Variants in ZNF503 observed in about 807,000 individuals in gnomAD.
ZNF503 encodes the protein zinc finger protein 503.
In ZNF503, 15 loss-of-function variants were observed where a neutral mutation model predicts 34.4. That is an observed-to-expected ratio of 0.44 (90% confidence interval 0.29 to 0.67). The LOEUF (loss-of-function observed/expected upper bound fraction) is 0.67, where lower values mean the gene tolerates loss of function less well. Among genes scored for constraint, ZNF503 ranks in the 30% least tolerant of loss-of-function variants. The pLI is 0.13. For missense variants in ZNF503, 1,007 were observed against 926.8 expected (o/e 1.09, Z -1.12); for synonymous variants, 580 against 456.8 (o/e 1.27, Z -3.44).
chr10:75,311,444 A>G, the ZNF503 span, among the ~76,000 whole-genome samples: 2 of 152,168 alleles, frequency 1.3e-5, no homozygotes, highest in South Asian at 4.1e-4. Flanking sequence ...CATTGCAACA[A>G]TCAATAAATA....
At chr10:75,394,851 C>A (rs971249361), downstream of ZNF503, among the ~76,000 whole-genome samples, 1 of 152,166 alleles carries the variant, frequency 6.6e-6, no homozygotes, top group Non-Finnish European at 1.5e-5. Context: ...AGAAGCTGGT[C>A]CTTCTTCAGC....
chr10:75,375,840 A>G, the ZNF503 span, among the ~76,000 whole-genome samples: 1 of 152,214 alleles, frequency 6.6e-6, no homozygotes, highest in Non-Finnish European at 1.5e-5. Flanking sequence ...AGGTGAGTAA[A>G]GGATCCACAG....
the ZNF503 span, among the ~76,000 whole-genome samples, chr10:75,379,121 G>A: frequency 6.6e-6 from 1 of 152,146 alleles, no homozygotes; most frequent in East Asian, 1.9e-4. Context: ...ATGGGCGGGT[G>A]ACAGGGTATT....
At chr10:75,333,545 G>A in the ZNF503 span, among the ~76,000 whole-genome samples, 1 of 59,354 alleles carries the variant, frequency 1.7e-5, no homozygotes, top group Admixed American at 1.6e-4. Flanking sequence ...GGGCAGAGGC[G>A]CCCCTCACCT....
the ZNF503 span, among the ~76,000 whole-genome samples, chr10:75,386,637 C>T: frequency 6.6e-6 from 1 of 152,174 alleles, no homozygotes; most frequent in Non-Finnish European, 1.5e-5. Context: ...TCTTTATATC[C>T]AGTCTCTCAT....
At chr10:75,342,738 G>A in the ZNF503 span, among the ~76,000 whole-genome samples, 1 of 152,114 alleles carries the variant, frequency 6.6e-6, no homozygotes, top group African/African-American at 2.4e-5. Context: ...TTGTCCCAAT[G>A]TTCTGCTGGC....
chr10:75,359,372 G>C, the ZNF503 span, among the ~76,000 whole-genome samples: 1 of 152,340 alleles, frequency 6.6e-6, no homozygotes, highest in East Asian at 1.9e-4. Flanking sequence ...CCTTAGGGAA[G>C]AGGGTTAGGT....
chr10:75,401,864 G>T (rs1272225020), upstream of ZNF503: 2 of 197,206 alleles, frequency 1.0e-5, no homozygotes, highest in African/African-American at 4.8e-5. Flanking sequence ...GGAGGGTCAA[G>T]GGGATGTGAC....
In ZNF503 at chr10:75,400,389, G is replaced by C; in HGVS notation, c.316-15C>G. 1 of 1,588,180 alleles carries C rather than the reference G, an allele frequency of 6.3e-7. No individual in the cohort carries two copies. Among genetic ancestry groups the C allele is most frequent in the Admixed American group, 1.7e-5 (1 of 58,016 alleles). On this transcript the variant is annotated splice_polypyrimidine_tract_variant and intron_variant, in intron 1 of 1. Transcript: ENST00000372524. ...TTGGCATCGAGCTGCGGGGTCAGACGATGGGGGGGGAGCGTCACACAGAGA... is the reference window on the plus strand; with the variant it reads ...TTGGCATCGAGCTGCGGGGTCAGACCATGGGGGGGGAGCGTCACACAGAGA...
At chr10:75,380,696 A>G in the ZNF503 span, among the ~76,000 whole-genome samples, 2 of 152,238 alleles carry the variant, frequency 1.3e-5, no homozygotes, top group South Asian at 4.1e-4. Flanking sequence ...AATAGAATGC[A>G]ATCATGTCAA....
the ZNF503 span, among the ~76,000 whole-genome samples, chr10:75,326,078 A>G: frequency 6.6e-6 from 1 of 152,198 alleles, no homozygotes; most frequent in Admixed American, 6.5e-5. Flanking sequence ...TTGCCATTGA[A>G]AGTCATGGCA....
the ZNF503 span, among the ~76,000 whole-genome samples, chr10:75,333,264 C>T: frequency 1.0e-4 from 9 of 87,652 alleles, no homozygotes; most frequent in African/African-American, 3.4e-4. Context: ...CCGGACGGGG[C>T]GGCTGGCCGG....
the ZNF503 span, among the ~76,000 whole-genome samples, chr10:75,287,862 A>G: frequency 6.6e-6 from 1 of 152,242 alleles, no homozygotes; most frequent in East Asian, 1.9e-4. Flanking sequence ...GAAGGACTCC[A>G]GTTGTCCAAG....
chr10:75,363,224 C>A, the ZNF503 span, among the ~76,000 whole-genome samples: 1 of 152,210 alleles, frequency 6.6e-6, no homozygotes, highest in African/African-American at 2.4e-5. Flanking sequence ...TCACAGCCCC[C>A]AGCCCGGGAG....
chr10:75,356,243 G>A, the ZNF503 span, among the ~76,000 whole-genome samples: 1 of 152,144 alleles, frequency 6.6e-6, no homozygotes, highest in East Asian at 1.9e-4. Context: ...TTGAGATGGA[G>A]TCTCACTCTG....
At chr10:75,334,937 TTTC>T in the ZNF503 span, among the ~76,000 whole-genome samples, 2 of 152,206 alleles carry the variant, frequency 1.3e-5, no homozygotes, top group Non-Finnish European at 2.9e-5. Flanking sequence ...CCTGTTAACT[TTTC>T]TTCATTTTCA....
At chr10:75,284,611 G>A in the ZNF503 span, among the ~76,000 whole-genome samples, 1,437 of 152,256 alleles carry the variant, frequency 9.4e-3, 31 homozygotes, top group African/African-American at 0.033. Flanking sequence ...TATGTCTGTC[G>A]CTTCCAGGTG....
At position 75,401,729 on chromosome 10, in the gene ZNF503, T is replaced by C. The variant is rs1843830391; in HGVS notation, c.-310A>G. ...GCGGCCCCGCGCCGGCGCTGCGCTC[T>C]GCGATGCGAGCCGCTGCGTGTCCAG... On this transcript the variant is annotated 5_prime_UTR_variant, in exon 1 of 2. Transcript: ENST00000372524. 1 of 381,094 alleles carries C rather than the reference T, an allele frequency of 2.6e-6. No homozygotes were observed. Among genetic ancestry groups the C allele is most frequent in the Non-Finnish European group, 4.7e-6 (1 of 213,866 alleles). 23.6% of individuals were successfully genotyped at this position (381,094 alleles called of 1,614,324 possible).
At chr10:75,345,400 G>C in the ZNF503 span, among the ~76,000 whole-genome samples, 2 of 152,034 alleles carry the variant, frequency 1.3e-5, no homozygotes, top group Non-Finnish European at 2.9e-5. Flanking sequence ...ACTTTGGGAG[G>C]CTGAGGCAGG....
Sources: gnomAD v4.1 joint callset for allele counts (sites outside exome capture counted in the v4.1 genomes callset) on GRCh38, gnomAD v4.1.1 for gene constraint, MANE v1.5 for transcripts, NCBI Gene and HGNC (gene_info 2026-07-23, HGNC 2026-07-21) for gene names.